The following ZNF385C variants were observed in gnomAD, a reference collection of about 807,000 sequenced individuals.
ZNF385C encodes the protein zinc finger protein 385C, also known as CTD-2132N18.2.
A neutral mutation model predicts 35.4 loss-of-function variants in ZNF385C; 28 were observed. The observed-to-expected ratio is 0.79, with a 90% CI of 0.59 to 1.08. ZNF385C has a LOEUF of 1.08. Ranked by LOEUF, ZNF385C falls within the 50% of genes least tolerant of loss-of-function variation. The pLI is 0.00. For missense variants in ZNF385C, 605 were observed against 595.6 expected, an observed-to-expected ratio of 1.02 and a Z score of -0.16; for synonymous variants, 248 against 248.2, an observed-to-expected ratio of 1.00 and a Z score of 0.01.
chr17:42,035,462 C>G (rs1269844270), intron 3 of ZNF385C, among the ~76,000 whole-genome samples: 1 of 151,386 alleles, frequency 6.6e-6, no homozygotes, highest in Non-Finnish European at 1.5e-5. Context: ...AGGCTTCATG[C>G]AGGGACCTGT....
chr17:42,064,062 G>GCACACA (rs1476089611), intron 1 of ZNF385C, among the ~76,000 whole-genome samples: 1 of 111,952 alleles, frequency 8.9e-6, no homozygotes, highest in East Asian at 2.6e-4. Context: ...CCCAACGCGC[G>GCACACA]CACACGCACA....
At chr17:42,075,716 G>A (rs541652239) in intron 1 of ZNF385C, among the ~76,000 whole-genome samples, 6 of 152,022 alleles carry the variant, frequency 3.9e-5, no homozygotes, top group Non-Finnish European at 5.9e-5. Flanking sequence ...GGATGGTCTC[G>A]ATCTCCTGAC....
At chr17:42,028,280 G>T in intron 6 of ZNF385C, 34 bp from the exon 7 acceptor site, 1 of 1,510,914 alleles carries the variant, frequency 6.6e-7, no homozygotes. Flanking sequence ...CTCAGCAGCA[G>T]GAAGGGGTTG....
intron 3 of ZNF385C, among the ~76,000 whole-genome samples, chr17:42,034,956 C>G (rs1555655297): frequency 2.0e-5 from 3 of 149,772 alleles, no homozygotes; most frequent in Non-Finnish European, 4.4e-5. Context: ...AACTCCTTCT[C>G]TACTAAAAAT....
chr17:42,043,238 C>G (rs112045612), intron 2 of ZNF385C: 17 of 1,232,216 alleles, frequency 1.4e-5, no homozygotes, highest in Non-Finnish European at 1.7e-5. Context: ...TGGCGGCACT[C>G]GAGGCAGAAC....
chr17:42,058,904 G>T (rs1372740404), intron 2 of ZNF385C, among the ~76,000 whole-genome samples: 1 of 152,192 alleles, frequency 6.6e-6, no homozygotes, highest in African/African-American at 2.4e-5. Flanking sequence ...TGATCCACCC[G>T]CCTCGGCCTC....
At position 42,034,219 on chromosome 17, in the gene ZNF385C, T is replaced by A. The variant is rs1555655194; in HGVS notation, c.510+6A>T. 2 of 1,549,774 alleles carry A rather than the reference T, an allele frequency of 1.3e-6. No individual in the cohort carries two copies. Among genetic ancestry groups the A allele is most frequent in the South Asian group, 2.4e-5 (2 of 84,040 alleles). On this transcript the variant is annotated splice_donor_region_variant and intron_variant, in intron 4 of 8. Transcript: ENST00000692273. ...CCCCAGACCTGCTTTCACTACTTTG[T>A]CTCACCGCTGAGTTGAACCTCAGGT...
rs1377662558 is a variant in ZNF385C at position 42,026,957 on chromosome 17, A to G, written c.1452T>C (p.Phe484=). ...GGCGGACAGCTCCTGCTGGGGTGCG[A>G]AACAGAGCTGGGCCCAGGATGGGAG... ...FPAPILGPAL[F]RTPAGAVRPA... is the part of the protein sequence containing the mutation. Residue 484 remains phenylalanine (F), a synonymous_variant, in exon 9 of 9, where the codon TTT becomes TTC. Transcript: ENST00000692273. 1 of 1,611,808 alleles carries G rather than the reference A, an allele frequency of 6.2e-7. No homozygotes were observed. The highest frequency in any genetic ancestry group is 1.1e-5 in the South Asian group (1 of 90,918).
intron 1 of ZNF385C, among the ~76,000 whole-genome samples, chr17:42,092,820 G>C (rs537003802): frequency 3.3e-5 from 5 of 152,226 alleles, no homozygotes; most frequent in Non-Finnish European, 7.3e-5. Context: ...GGGCTGGGGA[G>C]GGGGTCAGCT....
chr17:42,081,937 C>A (rs995084001), intron 1 of ZNF385C, among the ~76,000 whole-genome samples: 3 of 152,184 alleles, frequency 2.0e-5, no homozygotes, highest in African/African-American at 7.2e-5. Context: ...AGAGCAAGGG[C>A]GAGCTCCAGA....
chr17:42,071,435 C>T (rs906666415), intron 1 of ZNF385C, among the ~76,000 whole-genome samples: 4 of 152,124 alleles, frequency 2.6e-5, no homozygotes, highest in Non-Finnish European at 5.9e-5. Flanking sequence ...CTGCATCCTC[C>T]AGAGGGCCTC....
chr17:42,090,782 T>G (rs1402889295), intron 1 of ZNF385C, among the ~76,000 whole-genome samples: 1 of 152,052 alleles, frequency 6.6e-6, no homozygotes, highest in African/African-American at 2.4e-5. Context: ...CTCGGGAGGC[T>G]GAGGCAGGAG....
intron 1 of ZNF385C, among the ~76,000 whole-genome samples, chr17:42,086,902 C>A (rs1393531046): frequency 6.8e-6 from 1 of 146,328 alleles, no homozygotes; most frequent in Non-Finnish European, 1.5e-5. Flanking sequence ...GATCTTGGCT[C>A]ACTGCAACCT....
chr17:42,040,863 T>G, intron 2 of ZNF385C: 1 of 1,232,226 alleles, frequency 8.1e-7, no homozygotes, highest in Non-Finnish European at 1.0e-6. Context: ...CTGCCAGCAG[T>G]GGGCAAGTGG....
intron 1 of ZNF385C, among the ~76,000 whole-genome samples, chr17:42,069,676 C>T (rs1161428056): frequency 1.3e-5 from 2 of 152,258 alleles, no homozygotes; most frequent in Non-Finnish European, 2.9e-5. Context: ...GCCTACTTCC[C>T]AGACCAGGCC....
intron 2 of ZNF385C, among the ~76,000 whole-genome samples, chr17:42,059,386 C>T (rs2053427320): frequency 6.6e-6 from 1 of 152,230 alleles, no homozygotes; most frequent in Non-Finnish European, 1.5e-5. Context: ...AGATGACACA[C>T]AACGGATGGC....
rs78556928 is a variant in ZNF385C, at chr17:42,095,621, A to T, written c.-3+2789T>A. 2.0e-5 allele frequency among the ~76,000 whole-genome samples: 3 copies of T among 149,838 alleles called. No homozygotes were observed. Among genetic ancestry groups the T allele is most frequent in the African/African-American group, 7.3e-5 (3 of 40,922 alleles). On this transcript the variant is annotated intron_variant, in intron 1 of 8. Transcript: ENST00000692273. This position sits in a 1 kb window ranked among gnomAD's most constrained non-coding sequence, Gnocchi z 4.4. ...TCCCTCTCAAGCATCACAGGACATT[A>T]AAAAAAAAATTGTCCCAGTTTTGTG...
intron 1 of ZNF385C, among the ~76,000 whole-genome samples, chr17:42,090,909 T>A (rs935233451): frequency 2.6e-5 from 4 of 152,038 alleles, no homozygotes; most frequent in Non-Finnish European, 5.9e-5. Context: ...TCTTGTTCCC[T>A]CTTGGAACCC....
intron 2 of ZNF385C, among the ~76,000 whole-genome samples, chr17:42,059,986 G>C (rs1261451670): frequency 6.6e-6 from 1 of 152,152 alleles, no homozygotes; most frequent in East Asian, 1.9e-4. Context: ...GGTGGGATTG[G>C]GAAGGGAGGA....
Sources: gnomAD v4.1 joint callset for allele counts (sites outside exome capture counted in the v4.1 genomes callset) on GRCh38, gnomAD v4.1.1 for gene constraint, Gnocchi (gnomAD v3.1) non-coding constraint, MANE v1.5 for transcripts, NCBI Gene and HGNC (gene_info 2026-07-23, HGNC 2026-07-21) for gene names.